Variants in USP45 observed in about 807,000 individuals in gnomAD.
USP45 encodes the protein ubiquitin specific peptidase 45, also known as ubiquitin carboxyl-terminal hydrolase 45.
In USP45, 89 loss-of-function variants were observed where a neutral mutation model predicts 95.8. The ratio of observed to expected loss-of-function variants is 0.93; its 90% confidence interval spans 0.78 to 1.11. USP45 has a LOEUF of 1.11. Ranked by LOEUF, USP45 falls within the 50% of genes least tolerant of loss-of-function variation. The pLI is 0.00. For synonymous variants in USP45, 281 were observed against 316.2 expected (o/e 0.89, Z 1.18); for missense variants, 898 against 942.5 (o/e 0.95, Z 0.62).
At position 99,464,694 on chromosome 6, in the gene USP45, C is replaced by A. The variant is rs1193723724; in HGVS notation, c.1218G>T (p.Glu406Asp). 2.4e-5 allele frequency: 38 copies of A among 1,612,366 alleles called. No homozygotes were observed. The highest frequency in any genetic ancestry group is 3.2e-5 in the Non-Finnish European group (38 of 1,179,718). ...GRMNKYRSLR[E>D]TDHDRYSGNV... ...TGCCACTGTATCGATCATGATCTGT[C>A]TCCCGTAAACTTCTATATTTATTCA... is the stretch of plus-strand genomic sequence containing the variant. Residue 406 changes from glutamate (E) to aspartate (D), a missense_variant, in exon 13 of 18, where the codon GAG becomes GAT. By Grantham distance (45) the Glu-to-Asp change is conservative. Transcript: ENST00000500704.
In USP45 at chr6:99,446,079, T is replaced by G. The variant is rs769900952; in HGVS notation, c.1693A>C (p.Ser565Arg). 6.2e-7 allele frequency: 1 copy of G among 1,614,042 alleles called. No individual in the cohort carries two copies. Among genetic ancestry groups the G allele is most frequent in the South Asian group, 1.1e-5 (1 of 91,084 alleles). Residue 565 changes from serine to arginine, a missense_variant, in exon 14 of 18, where the codon AGC becomes CGC. Transcript: ENST00000500704. The part of the protein sequence containing the change: ...MAEAISELRL[S>R]STVTGDQDFD... ...TCTTGATCTCCAGTTACAGTGCTGC[T>G]CAAACGAAGTTCAGAAATAGCTTCT...
chr6:99,497,515 C>A (rs1338074379), intron 5 of USP45, among the ~76,000 whole-genome samples: 1 of 152,192 alleles, frequency 6.6e-6, no homozygotes, highest in Admixed American at 6.5e-5. Context: ...TAATAATTAG[C>A]TTGCCAGTTT....
chr6:99,500,198 T>TA (rs1397376502), intron 5 of USP45, among the ~76,000 whole-genome samples: 1 of 150,098 alleles, frequency 6.7e-6, no homozygotes, highest in Non-Finnish European at 1.5e-5. Context: ...GATCTCGGCT[T>TA]ACTGCAGCCT....
intron 17 of USP45, among the ~76,000 whole-genome samples, chr6:99,436,513 G>A (rs911393925): frequency 6.6e-5 from 10 of 152,158 alleles, no homozygotes; most frequent in Admixed American, 5.2e-4. Context: ...CCGAGATCCT[G>A]CCACTGCAAT....
chr6:99,457,953 T>C (rs1785453702), intron 13 of USP45, among the ~76,000 whole-genome samples: 2 of 152,200 alleles, frequency 1.3e-5, no homozygotes, highest in Non-Finnish European at 2.9e-5. Flanking sequence ...CCTTATTTTT[T>C]GAGACTATAG....
At chr6:99,493,118 C>T (rs995725410) in intron 5 of USP45, among the ~76,000 whole-genome samples, 1 of 152,028 alleles carries the variant, frequency 6.6e-6, no homozygotes, top group Non-Finnish European at 1.5e-5. Context: ...CCTCCGCTCC[C>T]TGGGTTCAAG....
Position 99,510,221 on chromosome 6 carries a change from C to T in USP45, c.-1G>A. The stretch of plus-strand genomic sequence containing the variant: ...CTTTAGTTGGATCTTTCACCCGCAT[C>T]TGTTATTTACTGAAGGGATTGAGGG... On this transcript the variant is annotated 5_prime_UTR_variant, in exon 2 of 18. Coordinates refer to ENST00000500704, the MANE Select transcript of USP45 (RefSeq NM_001346022.3). 1 of 1,612,280 alleles carries T rather than the reference C, an allele frequency of 6.2e-7. No homozygotes were observed. Among genetic ancestry groups the T allele is most frequent in the Admixed American group, 1.7e-5 (1 of 59,924 alleles).
In USP45 at chr6:99,500,285, C is replaced by A. The variant is rs1466356436; in HGVS notation, c.478+3480G>T. On this transcript the variant is annotated intron_variant, in intron 5 of 17. Transcript: ENST00000500704. ...CGTTACAGGAATGTGCCACTATGCTCAGCTAATTTTTGTATTTTTAGTAGA... is the reference window on the plus strand; with the variant it reads ...CGTTACAGGAATGTGCCACTATGCTAAGCTAATTTTTGTATTTTTAGTAGA... 1.3e-5 allele frequency among the ~76,000 whole-genome samples: 2 copies of A among 152,080 alleles called. 1 individual carries two copies. Among genetic ancestry groups the A allele is most frequent in the Admixed American group, 1.3e-4 (2 of 15,268 alleles).
chr6:99,480,546 G>A lies in USP45; in HGVS notation c.845+2207C>T, dbSNP rs182537778. On this transcript the variant is annotated intron_variant, in intron 8 of 17. Coordinates refer to ENST00000500704, the MANE Select transcript of USP45 (RefSeq NM_001346022.3). ...CAAAATTAGCCGGGTGTGGTAGCGG[G>A]CGCCTGTAATCCCAGGCTGAGGCAG... is the stretch of plus-strand genomic sequence containing the variant. Among the ~76,000 whole-genome samples, 40 of 152,020 alleles carry A rather than the reference G, an allele frequency of 2.6e-4. No homozygotes were observed. The Middle Eastern group carries it at 0.017, about 65-fold the overall frequency.
Position 99,507,453 on chromosome 6 carries a change from T to C in USP45, c.352A>G (p.Ile118Val), listed in dbSNP as rs748343250. 3 of 1,611,276 alleles carry C rather than the reference T, an allele frequency of 1.9e-6. No individual in the cohort carries two copies. The highest frequency in any genetic ancestry group is 2.2e-5 in the East Asian group (1 of 44,816). ...SSRTEPHCII[I>V]NLSTWIIWCY... ...CATATAATCCATGTGCTCAGATTAA[T>C]TATAATACAATGGGGCTCTGTTCTG... Residue 118 changes from isoleucine to valine, a missense_variant, in exon 4 of 18, where the codon ATT (isoleucine) becomes GTT (valine). Physicochemically the swap from Ile to Val is conservative, Grantham distance 29. Coordinates refer to ENST00000500704, the MANE Select transcript of USP45 (RefSeq NM_001346022.3).
chr6:99,480,566 A>C (rs907225862), intron 8 of USP45, among the ~76,000 whole-genome samples: 3 of 152,060 alleles, frequency 2.0e-5, no homozygotes, highest in African/African-American at 7.2e-5. Flanking sequence ...TCCCAGGCTG[A>C]GGCAGGAGAA....
At chr6:99,463,584 C>G (rs1015891531) in intron 13 of USP45, among the ~76,000 whole-genome samples, 10 of 151,840 alleles carry the variant, frequency 6.6e-5, no homozygotes, top group Admixed American at 6.6e-4. Context: ...GAGGCTGAGG[C>G]GGGTGGATCA....
intron 5 of USP45, among the ~76,000 whole-genome samples, 162 bp from the exon 6 acceptor site, chr6:99,488,982 A>G (rs1421252364): frequency 6.6e-6 from 1 of 152,190 alleles, no homozygotes; most frequent in Non-Finnish European, 1.5e-5. Flanking sequence ...TTGGTTTTAT[A>G]TTTTATTGCT....
chr6:99,436,415 G>A (rs570137084), intron 17 of USP45, among the ~76,000 whole-genome samples: 2 of 117,098 alleles, frequency 1.7e-5, no homozygotes, highest in South Asian at 3.8e-4. Flanking sequence ...CATTAGCCGG[G>A]TGTGGTGGCA....
intron 9 of USP45, among the ~76,000 whole-genome samples, chr6:99,472,213 A>C (rs1350859377): frequency 2.4e-5 from 3 of 127,596 alleles, no homozygotes; most frequent in Admixed American, 1.0e-4. Context: ...TTTTAACTTC[A>C]CTTACTAATT....
chr6:99,510,243 A>T lies in USP45; in HGVS notation c.-10-13T>A. ...CATCTGTTATTTACTGAAGGGATTG[A>T]GGGAAAAAAATTCATACATTTTAGT... is the stretch of plus-strand genomic sequence containing the variant. On this transcript the variant is annotated splice_polypyrimidine_tract_variant and intron_variant, in intron 1 of 17. Transcript: ENST00000500704. The T allele has an allele frequency of 6.3e-7, 1 of 1,581,714 alleles. No individual in the cohort carries two copies.
At chr6:99,515,129 C>G (rs1053163335) in intron 1 of USP45, 15 of 152,412 alleles carry the variant, frequency 9.8e-5, no homozygotes, top group Non-Finnish European at 1.9e-4. Context: ...GCCCAGGTCA[C>G]CAGGGGACTC....
rs1782936339 is a variant in USP45, at chr6:99,448,032, C to T, written c.1309-1569G>A. On this transcript the variant is annotated intron_variant, in intron 13 of 17. Transcript: ENST00000500704. ...ACAAACAGGACATCCACACCAAAACCCCATCTGTCAGTCACCATCATCAAA... is the reference window on the plus strand; with the variant it reads ...ACAAACAGGACATCCACACCAAAACTCCATCTGTCAGTCACCATCATCAAA... Among the ~76,000 whole-genome samples the T allele has an allele frequency of 2.6e-5, 4 of 152,264 alleles. No individual in the cohort carries two copies. In the South Asian group the frequency reaches 6.2e-4, roughly 24 times the overall value.
chr6:99,452,307 T>C (rs1341978766), intron 13 of USP45, among the ~76,000 whole-genome samples: 1 of 152,016 alleles, frequency 6.6e-6, no homozygotes, highest in Non-Finnish European at 1.5e-5. Context: ...ATCCAGAATC[T>C]ACAAAGAACT....
Sources: allele counts gnomAD v4.1 joint callset (sites outside exome capture counted in the v4.1 genomes callset), GRCh38; gene constraint gnomAD v4.1.1; transcripts MANE v1.5; gene names NCBI Gene and HGNC (gene_info 2026-07-23, HGNC 2026-07-21).